Variants in ADK observed in about 807,000 individuals in gnomAD.
The protein encoded by ADK is adenosine kinase.
Under a neutral mutation model 44.7 loss-of-function variants are expected in ADK, and 24 were observed. The ratio of observed to expected loss-of-function variants is 0.54; its 90% CI spans 0.39 to 0.76. The LOEUF is 0.76. Ranked by LOEUF, ADK falls within the 30% of genes least tolerant of loss-of-function variation. ADK has a pLI of 0.00. For missense variants in ADK, 321 were observed against 425.1 expected, an observed-to-expected ratio of 0.76 and a Z score of 2.15; for synonymous variants, 128 against 142.6, an observed-to-expected ratio of 0.90 and a Z score of 0.73.
chr10:74,664,646 C>G (rs1854881131), intron 9 of ADK, among the ~76,000 whole-genome samples: 2 of 152,202 alleles, frequency 1.3e-5, no homozygotes, highest in Middle Eastern at 3.4e-3. Flanking sequence ...AGTTCAAGAC[C>G]AGTCTGGCCA....
At chr10:74,601,939 GA>G (rs11447835) in intron 9 of ADK, among the ~76,000 whole-genome samples, 2,535 of 139,194 alleles carry the variant, frequency 0.018, 36 homozygotes, top group Non-Finnish European at 0.032. Flanking sequence ...AAAAAAAATG[GA>G]AAAAAAAAAA....
chr10:74,677,165 A>T (rs1055509390), intron 10 of ADK, among the ~76,000 whole-genome samples: 1 of 152,186 alleles, frequency 6.6e-6, no homozygotes, highest in Non-Finnish European at 1.5e-5. Context: ...GGATTGCTGG[A>T]GCCTGGGAGG....
chr10:74,266,487 G>C (rs6480730), intron 3 of ADK, among the ~76,000 whole-genome samples: 118,819 of 152,032 alleles, frequency 0.78, 47,888 homozygotes, highest in African/African-American at 0.95. Context: ...ACCGGGGAAG[G>C]AGAGGTTGCT....
At position 74,525,571 on chromosome 10, in the gene ADK, A is replaced by G. The variant is rs1158512321; in HGVS notation, c.726+145A>G. The G allele has an allele frequency of 3.3e-5, 22 of 668,968 alleles. No individual in the cohort carries two copies. In the South Asian group the frequency reaches 3.9e-4, roughly 12 times the overall value. The allele number at this position is 668,968 out of a possible 1,614,324, so 41.4% of individuals were successfully genotyped here. On this transcript the variant is annotated intron_variant, in intron 7 of 10. Transcript: ENST00000539909. ...GAGAATTGTGCAACAAAATTGCCTC[A>G]ATGTCAACTGCTCTCAGTATTTTCA...
At chr10:74,537,245 A>G (rs1443268497) in intron 7 of ADK, among the ~76,000 whole-genome samples, 1 of 152,210 alleles carries the variant, frequency 6.6e-6, no homozygotes, top group Non-Finnish European at 1.5e-5. Flanking sequence ...TTAATTTAAA[A>G]TCTTTGGTAA....
rs1355523807 is a variant in ADK at position 74,458,148 on chromosome 10, G to GT, written c.555+59569_555+59570insT. The stretch of plus-strand genomic sequence containing the variant: ...TTTTTTTTTTTTTTTTTTTTTTTTG[G>GT]GGGGAGAAGGTCTCACTCTGTTGCC... On this transcript the variant is annotated intron_variant, in intron 6 of 10. Coordinates refer to ENST00000539909, the MANE Select transcript of ADK (RefSeq NM_006721.4). Among the ~76,000 whole-genome samples, 41 of 121,966 alleles carry GT rather than the reference G, an allele frequency of 3.4e-4. 1 individual carries two copies. Among genetic ancestry groups the GT allele is most frequent in the Admixed American group, 1.2e-3 (14 of 12,154 alleles). The allele number at this position is 121,966 out of a possible 152,430, so 80.0% of individuals were successfully genotyped here.
intron 4 of ADK, among the ~76,000 whole-genome samples, chr10:74,376,047 C>T (rs975507301): frequency 6.6e-6 from 1 of 151,784 alleles, no homozygotes; most frequent in African/African-American, 2.4e-5. Context: ...AAAAAATCAC[C>T]TTTATTTTAA....
intron 6 of ADK, among the ~76,000 whole-genome samples, chr10:74,502,471 A>T (rs918698242): frequency 3.3e-5 from 5 of 152,136 alleles, no homozygotes; most frequent in Non-Finnish European, 7.4e-5. Flanking sequence ...TTTTAAATGT[A>T]GTCTACATTG....
At chr10:74,627,624 G>T (rs1208546949) in intron 9 of ADK, among the ~76,000 whole-genome samples, 1 of 149,940 alleles carries the variant, frequency 6.7e-6, no homozygotes, top group Non-Finnish European at 1.5e-5. Flanking sequence ...GTGTTTTTTT[G>T]TTGTTGTATT....
chr10:74,660,183 C>T (rs1287729326), intron 9 of ADK, among the ~76,000 whole-genome samples: 1 of 152,154 alleles, frequency 6.6e-6, no homozygotes, highest in African/African-American at 2.4e-5. Flanking sequence ...GGCTGGAGTG[C>T]AGCAGCACTA....
chr10:74,518,014 A>G (rs533754335), intron 6 of ADK, among the ~76,000 whole-genome samples: 1 of 152,306 alleles, frequency 6.6e-6, no homozygotes, highest in South Asian at 2.1e-4. Flanking sequence ...GTTGTAACTC[A>G]TATTTGATCG....
chr10:74,504,806 C>T (rs963463900), intron 6 of ADK, among the ~76,000 whole-genome samples: 23 of 152,078 alleles, frequency 1.5e-4, no homozygotes, highest in Non-Finnish European at 3.2e-4. Context: ...CCCTCTCTCG[C>T]CTGCTGCCAT....
intron 6 of ADK, among the ~76,000 whole-genome samples, chr10:74,496,724 C>T (rs1441916422): frequency 6.6e-6 from 1 of 152,132 alleles, no homozygotes; most frequent in African/African-American, 2.4e-5. Context: ...TTGCTTCCAC[C>T]TCCCATAGTG....
intron 1 of ADK, chr10:74,177,020 C>A: frequency 7.8e-7 from 1 of 1,279,698 alleles, no homozygotes. Context: ...TGGGGGTTCC[C>A]TCCGCACTTT....
At chr10:74,454,457 G>C (rs1845874321) in intron 6 of ADK, among the ~76,000 whole-genome samples, 1 of 151,954 alleles carries the variant, frequency 6.6e-6, no homozygotes, top group Admixed American at 6.6e-5. Context: ...GCCATACTAA[G>C]GCAAGAATAG....
chr10:74,213,911 AT>A (rs1283788999), intron 2 of ADK, among the ~76,000 whole-genome samples: 1 of 152,242 alleles, frequency 6.6e-6, no homozygotes. Flanking sequence ...CCAATTCCAA[AT>A]TTTAAAATGT....
chr10:74,283,546 G>T (rs1847029509), intron 3 of ADK, among the ~76,000 whole-genome samples: 1 of 143,098 alleles, frequency 7.0e-6, no homozygotes, highest in South Asian at 2.3e-4. Flanking sequence ...TGATCCCCAG[G>T]TTGCTCACCA....
At chr10:74,616,034 C>A (rs1278961297) in intron 9 of ADK, among the ~76,000 whole-genome samples, 1 of 152,056 alleles carries the variant, frequency 6.6e-6, no homozygotes, top group Non-Finnish European at 1.5e-5. Flanking sequence ...TGGATATCAT[C>A]TTTGATTGTA....
intron 8 of ADK, among the ~76,000 whole-genome samples, chr10:74,598,414 G>T (rs1306779876): frequency 6.7e-6 from 1 of 148,152 alleles, no homozygotes; most frequent in Non-Finnish European, 1.5e-5. Context: ...CACAGGGTTG[G>T]TAGAAAGCAA....
Sources: gnomAD v4.1 joint callset for allele counts (sites outside exome capture counted in the v4.1 genomes callset) on GRCh38, gnomAD v4.1.1 for gene constraint, MANE v1.5 for transcripts, NCBI Gene and HGNC (gene_info 2026-07-23, HGNC 2026-07-21) for gene names.